Variants in EXOC6B observed in about 807,000 individuals in gnomAD.
EXOC6B encodes the protein exocyst complex component 6B, also known as SEC15 homolog B.
EXOC6B carries 54 observed loss-of-function variants against 113.5 expected under a neutral mutation model. The ratio of observed to expected loss-of-function variants is 0.48; its 90% CI spans 0.38 to 0.60. The LOEUF (loss-of-function observed/expected upper bound fraction) is 0.60, where lower values mean the gene tolerates loss of function less well. EXOC6B is among the 20% of genes least tolerant of loss of function. The pLI, the probability that EXOC6B is intolerant of heterozygous loss-of-function variation, is 0.00. For missense variants in EXOC6B, 797 were observed against 977.5 expected (o/e 0.82, Z 2.46); for synonymous variants, 357 against 339.0 (o/e 1.05, Z -0.58).
At chr2:72,277,924 G>T (rs1684897694) in intron 20 of EXOC6B, among the ~76,000 whole-genome samples, 1 of 151,638 alleles carries the variant, frequency 6.6e-6, no homozygotes, top group South Asian at 2.1e-4. Context: ...TTCTTCCAAG[G>T]TTACTAATTT....
intron 20 of EXOC6B, among the ~76,000 whole-genome samples, chr2:72,201,055 A>T (rs2104333189): frequency 6.6e-6 from 1 of 152,234 alleles, no homozygotes; most frequent in Admixed American, 6.5e-5. Flanking sequence ...TTAATAGATA[A>T]ATAATATATG....
intron 16 of EXOC6B, among the ~76,000 whole-genome samples, chr2:72,481,852 C>G (rs1022345655): frequency 1.3e-5 from 2 of 151,982 alleles, no homozygotes; most frequent in East Asian, 3.9e-4. Context: ...CTATAAATTA[C>G]TAGAAGAGGA....
chr2:72,713,470 C>A (rs566296406), intron 6 of EXOC6B, among the ~76,000 whole-genome samples: 113 of 151,694 alleles, frequency 7.4e-4, no homozygotes, highest in African/African-American at 2.6e-3. Flanking sequence ...TTAGGGTACA[C>A]GTGCACAATG....
intron 6 of EXOC6B, among the ~76,000 whole-genome samples, chr2:72,602,731 A>G (rs1432872963): frequency 6.6e-6 from 1 of 152,222 alleles, no homozygotes; most frequent in Non-Finnish European, 1.5e-5. Flanking sequence ...ACTTCTGCTA[A>G]CATATCCAAG....
intron 20 of EXOC6B, among the ~76,000 whole-genome samples, chr2:72,278,498 C>T (rs1273389738): frequency 6.6e-6 from 1 of 152,148 alleles, no homozygotes; most frequent in African/African-American, 2.4e-5. Flanking sequence ...TTAATGTCTG[C>T]TTTTCATTTT....
intron 18 of EXOC6B, among the ~76,000 whole-genome samples, chr2:72,381,108 C>T (rs1691654269): frequency 6.6e-6 from 1 of 152,078 alleles, no homozygotes; most frequent in African/African-American, 2.4e-5. Flanking sequence ...TATTAGGTAT[C>T]CCATTTGTTT....
At chr2:72,795,186 A>G (rs1388856246) in intron 1 of EXOC6B, among the ~76,000 whole-genome samples, 1 of 152,230 alleles carries the variant, frequency 6.6e-6, no homozygotes, top group East Asian at 1.9e-4. Flanking sequence ...AGGTTAGGCC[A>G]GGGCTAGACT....
At chr2:72,360,188 A>T (rs1004624777) in intron 19 of EXOC6B, among the ~76,000 whole-genome samples, 3 of 152,044 alleles carry the variant, frequency 2.0e-5, no homozygotes, top group Non-Finnish European at 2.9e-5. Flanking sequence ...CCCAGGCTCA[A>T]GCAATCTGCC....
intron 8 of EXOC6B, among the ~76,000 whole-genome samples, chr2:72,549,154 TATGGATGATAAGAC>T (rs1703070667): frequency 6.6e-6 from 1 of 151,916 alleles, no homozygotes; most frequent in South Asian, 2.1e-4. Context: ...AGTAAGAAAA[TATGGATGATAAGAC>T]ATGGAAGACC....
At chr2:72,586,460 A>G (rs60325013) in intron 6 of EXOC6B, among the ~76,000 whole-genome samples, 32,682 of 152,058 alleles carry the variant, frequency 0.21, 5,713 homozygotes, top group African/African-American at 0.48. Flanking sequence ...AAAAAGACAC[A>G]CCGCAAACTT....
At position 72,763,418 on chromosome 2, in the gene EXOC6B, C is replaced by T. The variant is rs763624715; in HGVS notation, c.114-21949G>A. 6.6e-5 allele frequency among the ~76,000 whole-genome samples: 10 copies of T among 150,708 alleles called. No homozygotes were observed. The South Asian group carries it at 1.3e-3, about 19-fold the overall frequency. ...GTTTTCCAGAGAAAGTCAATTTGAACGTGTTTTTTCTTTTTTTTTTTTTTC... is the reference window on the plus strand; with the variant it reads ...GTTTTCCAGAGAAAGTCAATTTGAATGTGTTTTTTCTTTTTTTTTTTTTTC... On this transcript the variant is annotated intron_variant, in intron 1 of 21. Coordinates refer to ENST00000272427, the MANE Select transcript of EXOC6B (RefSeq NM_015189.3).
chr2:72,270,459 A>G (rs543107040), intron 20 of EXOC6B, among the ~76,000 whole-genome samples: 1 of 152,300 alleles, frequency 6.6e-6, no homozygotes, highest in East Asian at 1.9e-4. Flanking sequence ...TAAGCATTTG[A>G]AATAAAAGAC....
chr2:72,685,941 T>C (rs1399971599), intron 6 of EXOC6B, among the ~76,000 whole-genome samples: 1 of 152,158 alleles, frequency 6.6e-6, no homozygotes, highest in Non-Finnish European at 1.5e-5. Flanking sequence ...TTAACATTTT[T>C]TTGAAGGGGT....
intron 17 of EXOC6B, 65 bp from the exon 18 acceptor site, chr2:72,465,404 C>T (rs1697984344): frequency 2.3e-6 from 3 of 1,280,438 alleles, no homozygotes; most frequent in Non-Finnish European, 3.2e-6. Context: ...TTTCTATGAG[C>T]TTAGAGCCAT....
chr2:72,682,278 T>G (rs1235780179), intron 6 of EXOC6B, among the ~76,000 whole-genome samples: 2 of 152,196 alleles, frequency 1.3e-5, no homozygotes, highest in African/African-American at 4.8e-5. Flanking sequence ...TCTTAAGATT[T>G]CTTTTTCACA....
In EXOC6B at chr2:72,814,150, G is replaced by A. The variant is rs182058767; in HGVS notation, c.113+11648C>T. Among the ~76,000 whole-genome samples, 211 of 152,274 alleles carry A rather than the reference G, an allele frequency of 1.4e-3. 1 individual carries two copies. Among genetic ancestry groups the A allele is most frequent in the Non-Finnish European group, 2.2e-3 (152 of 68,020 alleles). ...GAAAACAAGGTCAAATTGAAAGTCT[G>A]TGTTCCTCCACAGCTTTTTAATCAA... On this transcript the variant is annotated intron_variant, in intron 1 of 21. Transcript: ENST00000272427.
chr2:72,456,206 C>G (rs945431820), intron 18 of EXOC6B, among the ~76,000 whole-genome samples: 15 of 152,150 alleles, frequency 9.9e-5, no homozygotes, highest in Non-Finnish European at 1.6e-4. Context: ...AAACAATACT[C>G]TTTCTTATTT....
chr2:72,577,847 T>G (rs1704970863), intron 6 of EXOC6B, among the ~76,000 whole-genome samples: 1 of 152,030 alleles, frequency 6.6e-6, no homozygotes, highest in Non-Finnish European at 1.5e-5. Flanking sequence ...GACTGACTTC[T>G]GCTGACTGGG....
chr2:72,754,983 A>C (rs1682318533), intron 1 of EXOC6B, among the ~76,000 whole-genome samples: 1 of 152,216 alleles, frequency 6.6e-6, no homozygotes, highest in South Asian at 2.1e-4. Flanking sequence ...AAATCTATTG[A>C]AGCACCTAGC....
Sources: gnomAD v4.1 joint callset for allele counts (sites outside exome capture counted in the v4.1 genomes callset) on GRCh38, gnomAD v4.1.1 for gene constraint, MANE v1.5 for transcripts, NCBI Gene and HGNC (gene_info 2026-07-23, HGNC 2026-07-21) for gene names.